Variants in GPM6B observed in about 807,000 individuals in gnomAD.
The protein encoded by GPM6B is glycoprotein M6B, also known as neuronal membrane glycoprotein M6-b.
Under a neutral mutation model 27.2 loss-of-function variants are expected in GPM6B, and 4 were observed. That is an observed-to-expected ratio of 0.15 (90% confidence interval 0.07 to 0.34). GPM6B has a LOEUF of 0.34. Ranked by LOEUF, GPM6B falls within the 10% of genes least tolerant of loss-of-function variation. GPM6B has a pLI of 1.00. For synonymous variants in GPM6B, 124 were observed against 103.1 expected (o/e 1.20, Z -1.23); for missense variants, 183 against 261.9 (o/e 0.70, Z 2.08).
intron 5 of GPM6B, among the ~76,000 whole-genome samples, chrX:13,778,049 G>GGTTT (rs1379288361): frequency 3.5e-4 from 30 of 85,732 alleles, no homozygotes; most frequent in African/African-American, 1.3e-3. Context: ...AAATCAAATT[G>GGTTT]GTTTGTTTTT....
Position 13,919,778 on chromosome X carries a change from G to A in GPM6B, c.-198+18549C>T, listed in dbSNP as rs957046638. On this transcript the variant is annotated intron_variant, in intron 1 of 6. Coordinates refer to the GPM6B transcript ENST00000398361. ...CAAACAGGAATACCATACGCCTGCA[G>A]AAAAGAGAACACACAGAAATCAATA... is the stretch of plus-strand genomic sequence containing the variant. Among the ~76,000 whole-genome samples the A allele has an allele frequency of 4.5e-5, 5 of 111,474 alleles. No individual in the cohort carries two copies. The South Asian group carries it at 1.9e-3, about 43-fold the overall frequency.
intron 1 of GPM6B, among the ~76,000 whole-genome samples, chrX:13,865,559 A>AAAAG (rs1555923732): frequency 2.0e-3 from 104 of 52,916 alleles, no homozygotes; most frequent in Admixed American, 6.1e-3. Flanking sequence ...AAAAAAAAAA[A>AAAAG]AAAGAAAGAA....
chrX:13,909,089 C>CTGAGGTG (rs2050354285), intron 1 of GPM6B, among the ~76,000 whole-genome samples: 1 of 108,199 alleles, frequency 9.2e-6, no homozygotes, highest in Non-Finnish European at 1.9e-5. Flanking sequence ...CATAACATAC[C>CTGAGGTG]TCACATCTAA....
intron 1 of GPM6B, among the ~76,000 whole-genome samples, chrX:13,879,724 C>CTCTGAGCAA (rs2050074710): frequency 8.9e-6 from 1 of 112,237 alleles, no homozygotes; most frequent in African/African-American, 3.2e-5. Flanking sequence ...GTGCTTTTTA[C>CTCTGAGCAA]TCTGAGCAAT....
chrX:13,799,245 C>A (rs112518397), intron 2 of GPM6B, among the ~76,000 whole-genome samples: 1,080 of 67,198 alleles, frequency 0.016, 24 homozygotes, highest in African/African-American at 0.063. Context: ...CAGAGCCTTG[C>A]TCTGTTGTCC....
chrX:13,872,618 GA>G (rs1484969252), intron 1 of GPM6B, among the ~76,000 whole-genome samples: 2 of 108,839 alleles, frequency 1.8e-5, no homozygotes, highest in Admixed American at 9.9e-5. Flanking sequence ...TTAACACAAA[GA>G]CAGTAGCACA....
chrX:13,918,756 T>C (rs1377067974), intron 1 of GPM6B, among the ~76,000 whole-genome samples: 2 of 111,193 alleles, frequency 1.8e-5, no homozygotes, highest in Non-Finnish European at 3.8e-5. Flanking sequence ...GCACCTAACA[T>C]GGCCAGAGCA....
chrX:13,861,519 G>A (rs2049852862), intron 1 of GPM6B, among the ~76,000 whole-genome samples: 1 of 111,457 alleles, frequency 9.0e-6, no homozygotes, highest in Non-Finnish European at 1.9e-5. Context: ...AAATAATTCA[G>A]ATAAAAATTC....
At chrX:13,890,966 T>A (rs1416203283) in intron 1 of GPM6B, among the ~76,000 whole-genome samples, 1 of 111,132 alleles carries the variant, frequency 9.0e-6, no homozygotes, top group African/African-American at 3.3e-5. Flanking sequence ...CTCCCTAGGC[T>A]CAGATCACAC....
At chrX:13,843,064 G>C (rs2049599641) in intron 1 of GPM6B, among the ~76,000 whole-genome samples, 1 of 111,061 alleles carries the variant, frequency 9.0e-6, no homozygotes, top group African/African-American at 3.3e-5. Context: ...CCTACTAAAA[G>C]ATCCCATTAG....
intron 1 of GPM6B, among the ~76,000 whole-genome samples, chrX:13,921,997 G>A (rs977455801): frequency 6.5e-4 from 73 of 111,815 alleles, no homozygotes; most frequent in African/African-American, 2.0e-3. Flanking sequence ...ATGCCCAGGT[G>A]TTGCCATGGC....
Position 13,852,159 on chromosome X carries a change from T to C in GPM6B, c.-197-66351A>G, listed in dbSNP as rs563965786. ...GTGGGCCATCTGGTCTCTTTTGCAA[T>C]GACTCAACTCTGCCACCGTAGCAAA... On this transcript the variant is annotated intron_variant, in intron 1 of 6. Transcript: ENST00000398361. Among the ~76,000 whole-genome samples the C allele has an allele frequency of 9.9e-5, 11 of 111,093 alleles. No individual in the cohort carries two copies. The South Asian group carries it at 3.1e-3, about 31-fold the overall frequency.
intron 5 of GPM6B, among the ~76,000 whole-genome samples, chrX:13,777,754 T>TA (rs762005287): frequency 8.9e-5 from 10 of 112,379 alleles, no homozygotes; most frequent in Admixed American, 8.5e-4. Flanking sequence ...TCCCTATAGT[T>TA]ACTGCAGGAC....
chrX:13,785,656 TGGA>T lies in GPM6B; in HGVS notation c.331_333del (p.Ser111del). On this transcript the variant is annotated inframe_deletion, in exon 3 of 8. Transcript: ENST00000316715. ...AGCAAGGCATGGTCACTGGCGTTGG[TGGA>T]GAAGTGTTGCTCAAGAATCGCCACG... 8.3e-7 allele frequency: 1 copy of T among 1,211,380 alleles called. No individual in the cohort carries two copies. Among genetic ancestry groups the T allele is most frequent in the Non-Finnish European group, 1.1e-6 (1 of 895,317 alleles).
At chrX:13,849,610 T>C (rs1227907331) in intron 1 of GPM6B, among the ~76,000 whole-genome samples, 4 of 112,276 alleles carry the variant, frequency 3.6e-5, no homozygotes, top group African/African-American at 1.3e-4. Flanking sequence ...TACCTTCACA[T>C]AGGAGTTGCT....
chrX:13,914,948 C>G (rs2050413718), intron 1 of GPM6B, among the ~76,000 whole-genome samples: 1 of 110,992 alleles, frequency 9.0e-6, no homozygotes, highest in South Asian at 3.9e-4. Flanking sequence ...ATTGTGACTA[C>G]TTTCCCCAGA....
At chrX:13,926,396 C>T (rs1235441183) in intron 1 of GPM6B, among the ~76,000 whole-genome samples, 3 of 104,536 alleles carry the variant, frequency 2.9e-5, no homozygotes, top group East Asian at 2.9e-4. Context: ...TGACACAGAG[C>T]GAGACTCCAT....
intron 1 of GPM6B, among the ~76,000 whole-genome samples, chrX:13,888,130 A>C (rs1245859297): frequency 8.9e-6 from 1 of 112,169 alleles, no homozygotes; most frequent in African/African-American, 3.2e-5. Context: ...CATCTCACAT[A>C]ATCTATGGAA....
At chrX:13,773,881 A>C (rs2048351312) in intron 7 of GPM6B, 1 of 514,266 alleles carries the variant, frequency 1.9e-6, no homozygotes, top group Admixed American at 9.5e-5. Context: ...ACACAATTTA[A>C]GGTTACCAAT....
Sources: allele counts gnomAD v4.1 joint callset (sites outside exome capture counted in the v4.1 genomes callset), GRCh38; gene constraint gnomAD v4.1.1; transcripts MANE v1.5; gene names NCBI Gene and HGNC (gene_info 2026-07-23, HGNC 2026-07-21).